BPTF: variants seen among roughly 807,000 people sequenced by gnomAD.
The protein encoded by BPTF is bromodomain PHD finger transcription factor.
A neutral mutation model predicts 292.5 loss-of-function variants in BPTF; 18 were observed. That is an observed-to-expected ratio of 0.06 (90% CI 0.04 to 0.09). BPTF has a LOEUF of 0.09. Among genes scored for constraint, BPTF ranks in the 10% least tolerant of loss-of-function variants. The probability of loss-of-function intolerance (pLI) is 1.00; values close to 1 mark genes in which losing one functional copy is unlikely to be tolerated. For synonymous variants in BPTF, 1,225 were observed against 1,251.9 expected (o/e 0.98, Z 0.45); for missense variants, 2,726 against 3,498.7 (o/e 0.78, Z 5.57).
chr17:67,838,461 G>A (rs994708571), intron 1 of BPTF, among the ~76,000 whole-genome samples: 1 of 152,026 alleles, frequency 6.6e-6, no homozygotes, highest in Non-Finnish European at 1.5e-5. Context: ...AACCATCTTT[G>A]TGTAAACATG....
chr17:67,908,792 A>G lies in BPTF; in HGVS notation c.2813-790A>G, dbSNP rs370582295. ...AGGCATAAGCCACTACACCCATCCA[A>G]ATTTTATCACTCTTGTTTCAGTTGT... On this transcript the variant is annotated intron_variant, in intron 9 of 27. Transcript: ENST00000306378. Among the ~76,000 whole-genome samples, 32 of 146,622 alleles carry G rather than the reference A, an allele frequency of 2.2e-4. 1 individual carries two copies. The East Asian group carries it at 5.3e-3, about 24-fold the overall frequency.
chr17:67,969,472 A>C (rs1555689594), intron 26 of BPTF, among the ~76,000 whole-genome samples: 1 of 150,218 alleles, frequency 6.7e-6, no homozygotes, highest in South Asian at 2.1e-4. Context: ...AAAAAAAAAA[A>C]AAAGAGATAG....
At chr17:67,892,636 A>G (rs937838711) in intron 5 of BPTF, among the ~76,000 whole-genome samples, 2 of 152,228 alleles carry the variant, frequency 1.3e-5, no homozygotes, top group African/African-American at 4.8e-5. Flanking sequence ...AATAAAGGAC[A>G]TTCTTAACAT....
chr17:67,862,034 G>A (rs2059114999), intron 2 of BPTF, among the ~76,000 whole-genome samples: 1 of 152,142 alleles, frequency 6.6e-6, no homozygotes, highest in Non-Finnish European at 1.5e-5. Context: ...GGAGTGCAGT[G>A]GCACAACCTT....
chr17:67,903,243 A>G (rs1421487690), intron 7 of BPTF, among the ~76,000 whole-genome samples: 4 of 152,260 alleles, frequency 2.6e-5, no homozygotes. Flanking sequence ...ATACTGGTTG[A>G]TAAAATAAAT....
rs2060223919 is a variant in BPTF, at chr17:67,879,129, ATTAT to A, written c.1864+4112_1864+4115del. 2.8e-5 allele frequency among the ~76,000 whole-genome samples: 4 copies of A among 141,760 alleles called. No homozygotes were observed. The East Asian group carries it at 6.8e-4, about 24-fold the overall frequency. 93.0% of individuals were successfully genotyped at this position (141,760 alleles called of 152,430 possible). On this transcript the variant is annotated intron_variant, in intron 4 of 27. Coordinates refer to ENST00000306378, the MANE Select transcript of BPTF (RefSeq NM_182641.4). Reference sequence around the variant, plus strand: ...AAGAGTTTTTGTGGGGCTGTTGTTAATTATTTCTTTTTTTTTTTTTTTTTCTTTT... The same window carrying A: ...AAGAGTTTTTGTGGGGCTGTTGTTAATTCTTTTTTTTTTTTTTTTTCTTTT...
intron 1 of BPTF, among the ~76,000 whole-genome samples, chr17:67,848,280 C>T (rs143121996): frequency 3.3e-4 from 50 of 152,136 alleles, no homozygotes; most frequent in African/African-American, 1.0e-3. Context: ...TCTCTGCCCT[C>T]GGCAGGTAGT....
chr17:67,857,282 C>T (rs2058753668), intron 2 of BPTF, among the ~76,000 whole-genome samples: 1 of 150,792 alleles, frequency 6.6e-6, no homozygotes. Flanking sequence ...CTGCCTCAAC[C>T]TCCGAGTAGC....
chr17:67,856,709 AGCATGAAGGTCTTGCTG>A (rs1381188004), intron 2 of BPTF, among the ~76,000 whole-genome samples: 10 of 152,182 alleles, frequency 6.6e-5, no homozygotes, highest in Non-Finnish European at 1.5e-5. Flanking sequence ...TCCTGCTTGA[AGCATGAAGGTCTTGCTG>A]GTGGTATTCT....
intron 13 of BPTF, 56 bp from the exon 14 acceptor site, chr17:67,922,784 A>G: frequency 1.2e-5 from 18 of 1,542,114 alleles, no homozygotes; most frequent in Non-Finnish European, 1.5e-5. Context: ...AGATGCCAGA[A>G]GTACTTTAAT....
At chr17:67,941,650 A>G (rs148235412) in intron 19 of BPTF, among the ~76,000 whole-genome samples, 1 of 152,302 alleles carries the variant, frequency 6.6e-6, no homozygotes, top group East Asian at 1.9e-4. Flanking sequence ...TGGTGCCAGG[A>G]CAATTGAATA....
chr17:67,977,008 G>A (rs1348311901), intron 27 of BPTF, among the ~76,000 whole-genome samples: 5 of 152,166 alleles, frequency 3.3e-5, no homozygotes, highest in East Asian at 3.9e-4. Flanking sequence ...AGATAAAACC[G>A]ACAATCTATA....
At chr17:67,866,817 C>T in intron 3 of BPTF, 130 bp downstream of exon 3, 2 of 677,240 alleles carry the variant, frequency 3.0e-6, no homozygotes, top group Non-Finnish European at 5.1e-6. Flanking sequence ...GATGGGGATA[C>T]ATTCTGAAAA....
rs183740018 is a variant in BPTF at position 67,983,804 on chromosome 17, T to C, written c.*1516T>C. ...TTGTTTTTCAAAGTTTCTTTCCTTT[T>C]AATGTTTCCCTGCTATGCAAAACCT... On this transcript the variant is annotated 3_prime_UTR_variant, in exon 28 of 28. Coordinates refer to ENST00000306378, the MANE Select transcript of BPTF (RefSeq NM_182641.4). 6.5e-6 allele frequency: 1 copy of C among 152,800 alleles called. No homozygotes were observed. The highest frequency in any genetic ancestry group is 1.5e-5 in the Non-Finnish European group (1 of 68,040). The allele number at this position is 152,800 out of a possible 1,614,324, so 9.5% of individuals were successfully genotyped here.
At chr17:67,855,887 G>A (rs925909237) in intron 2 of BPTF, among the ~76,000 whole-genome samples, 10 of 152,192 alleles carry the variant, frequency 6.6e-5, no homozygotes, top group African/African-American at 1.2e-4. Flanking sequence ...AATCCACACC[G>A]ATTCTTGATT....
intron 19 of BPTF, among the ~76,000 whole-genome samples, chr17:67,943,252 A>T (rs188472129): frequency 6.6e-6 from 1 of 152,304 alleles, no homozygotes; most frequent in East Asian, 1.9e-4. Context: ...TTGTGCATAA[A>T]AAATGTATTT....
chr17:67,880,799 T>C (rs58122682), intron 4 of BPTF, among the ~76,000 whole-genome samples: 30,875 of 151,740 alleles, frequency 0.2, 3,952 homozygotes, highest in East Asian at 0.66. Context: ...CTTTTTTTTT[T>C]CTAGTTGATT....
At chr17:67,885,212 T>C (rs2146059211) in intron 4 of BPTF, among the ~76,000 whole-genome samples, 1 of 152,298 alleles carries the variant, frequency 6.6e-6, no homozygotes, top group Middle Eastern at 3.4e-3. Context: ...AGACAGGCTT[T>C]CTGTTCATGG....
chr17:67,875,634 A>C (rs1287727507), intron 4 of BPTF: 3 of 1,605,658 alleles, frequency 1.9e-6, no homozygotes, highest in Non-Finnish European at 2.6e-6. Flanking sequence ...ACTTCAGAAG[A>C]GACTAGTCCC....
Sources: allele counts gnomAD v4.1 joint callset (sites outside exome capture counted in the v4.1 genomes callset), GRCh38; gene constraint gnomAD v4.1.1; transcripts MANE v1.5; gene names NCBI Gene and HGNC (gene_info 2026-07-23, HGNC 2026-07-21).